Variants in SSBP2 observed in about 807,000 individuals in gnomAD.
SSBP2 encodes single-stranded DNA-binding protein 2.
In SSBP2, 17 loss-of-function variants were observed where a neutral mutation model predicts 61.8. The observed-to-expected ratio is 0.28, with a 90% confidence interval of 0.19 to 0.41. The LOEUF (loss-of-function observed/expected upper bound fraction) is 0.41, where lower values mean the gene tolerates loss of function less well. Ranked by LOEUF, SSBP2 falls within the 10% of genes least tolerant of loss-of-function variation. The pLI is 1.00. For missense variants in SSBP2, 310 were observed against 458.7 expected, an observed-to-expected ratio of 0.68 and a Z score of 2.96; for synonymous variants, 139 against 141.3, an observed-to-expected ratio of 0.98 and a Z score of 0.12.
At chr5:81,628,943 T>TC (rs1747441240) in intron 3 of SSBP2, among the ~76,000 whole-genome samples, 1 of 152,116 alleles carries the variant, frequency 6.6e-6, no homozygotes, top group African/African-American at 2.4e-5. Context: ...CACCAACTTT[T>TC]CCCCCGAGTC....
At chr5:81,559,191 G>C (rs1772834179) in intron 4 of SSBP2, among the ~76,000 whole-genome samples, 1 of 152,068 alleles carries the variant, frequency 6.6e-6, no homozygotes, top group African/African-American at 2.4e-5. Context: ...TTCGAGACCA[G>C]CCTGACCAAC....
chr5:81,655,815 T>C (rs764892786), intron 1 of SSBP2, among the ~76,000 whole-genome samples: 7 of 152,186 alleles, frequency 4.6e-5, no homozygotes, highest in East Asian at 1.9e-4. Context: ...TCAACCAACA[T>C]TGACAAAATT....
intron 4 of SSBP2, among the ~76,000 whole-genome samples, chr5:81,584,748 C>A (rs978120613): frequency 6.6e-6 from 1 of 152,070 alleles, no homozygotes; most frequent in African/African-American, 2.4e-5. Context: ...TAGATAAGAG[C>A]AAACTGAGGA....
intron 1 of SSBP2, among the ~76,000 whole-genome samples, chr5:81,727,066 A>G (rs1755936986): frequency 6.6e-6 from 1 of 152,230 alleles, no homozygotes; most frequent in African/African-American, 2.4e-5. Context: ...TTAATTTAGG[A>G]AGCGGCAAAA....
chr5:81,715,780 T>C (rs973322236), intron 1 of SSBP2, among the ~76,000 whole-genome samples: 1 of 151,994 alleles, frequency 6.6e-6, no homozygotes, highest in Admixed American at 6.6e-5. Flanking sequence ...GATGGCCAGG[T>C]GCAGTGTGGC....
chr5:81,543,487 C>A (rs545814889), intron 4 of SSBP2, among the ~76,000 whole-genome samples: 14 of 152,118 alleles, frequency 9.2e-5, no homozygotes, highest in Non-Finnish European at 1.8e-4. Flanking sequence ...CAGCAATAGA[C>A]ACTGAAGACT....
rs544420069 is a variant in SSBP2, at chr5:81,478,987, G to T, written c.433-4425C>A. Among the ~76,000 whole-genome samples, 48 of 152,274 alleles carry T rather than the reference G, an allele frequency of 3.2e-4. 1 individual carries two copies. The highest frequency in any genetic ancestry group is 3.1e-3 in the South Asian group (15 of 4,826). ...CTTAAAAATATGGCATAATCTTACA[G>T]AAGTCTTAACCAACATCAAATTGGT... On this transcript the variant is annotated intron_variant, in intron 6 of 16. Transcript: ENST00000320672.
At chr5:81,584,459 C>A (rs1413566458) in intron 4 of SSBP2, among the ~76,000 whole-genome samples, 2 of 152,090 alleles carry the variant, frequency 1.3e-5, no homozygotes, top group African/African-American at 2.4e-5. Context: ...ATCTGGCAAC[C>A]TTTTAAACTC....
chr5:81,470,272 A>G (rs546278039), intron 8 of SSBP2, among the ~76,000 whole-genome samples: 1 of 149,554 alleles, frequency 6.7e-6, no homozygotes, highest in East Asian at 1.9e-4. Flanking sequence ...ACATCTTATT[A>G]CAAAACCAAG....
chr5:81,427,874 T>C (rs35657180), intron 16 of SSBP2, among the ~76,000 whole-genome samples: 1 of 152,102 alleles, frequency 6.6e-6, no homozygotes, highest in Non-Finnish European at 1.5e-5. Flanking sequence ...TCTGGGAAAC[T>C]GTATTTTAAA....
intron 1 of SSBP2, among the ~76,000 whole-genome samples, chr5:81,695,367 T>C (rs760240996): frequency 1.2e-4 from 19 of 152,216 alleles, no homozygotes; most frequent in South Asian, 4.1e-4. Flanking sequence ...TTTATTATTA[T>C]ACTTTAAGTT....
intron 4 of SSBP2, among the ~76,000 whole-genome samples, chr5:81,541,357 T>C (rs1771256252): frequency 6.6e-6 from 1 of 152,092 alleles, no homozygotes; most frequent in Non-Finnish European, 1.5e-5. Flanking sequence ...AGGCACTCTA[T>C]AGATTCAATG....
At chr5:81,698,094 G>A (rs1753713107) in intron 1 of SSBP2, among the ~76,000 whole-genome samples, 1 of 151,922 alleles carries the variant, frequency 6.6e-6, no homozygotes, top group South Asian at 2.1e-4. Flanking sequence ...AAAATAATCA[G>A]ACTATGACTA....
chr5:81,671,945 T>A lies in SSBP2; in HGVS notation c.63-21606A>T, dbSNP rs534369837. Among the ~76,000 whole-genome samples, 5 of 152,160 alleles carry A rather than the reference T, an allele frequency of 3.3e-5. 1 individual carries two copies. Among genetic ancestry groups the A allele is most frequent in the Admixed American group, 3.3e-4 (5 of 15,260 alleles). On this transcript the variant is annotated intron_variant, in intron 1 of 16. Transcript: ENST00000320672. The stretch of plus-strand genomic sequence containing the variant: ...AGAATAATAGCATGAAAGAATTATC[T>A]ACACTATATGTGACAGTGGTTGCCA...
intron 2 of SSBP2, among the ~76,000 whole-genome samples, chr5:81,647,501 C>T (rs2153702713): frequency 6.6e-6 from 1 of 151,894 alleles, no homozygotes; most frequent in South Asian, 2.1e-4. Context: ...TTAGCCATTC[C>T]CCTACATTGG....
intron 10 of SSBP2, among the ~76,000 whole-genome samples, chr5:81,453,597 C>T (rs1341165339): frequency 1.3e-5 from 2 of 151,880 alleles, no homozygotes; most frequent in East Asian, 3.9e-4. Flanking sequence ...GCTGGGACTA[C>T]AGGCGCCCGC....
intron 6 of SSBP2, among the ~76,000 whole-genome samples, chr5:81,485,010 A>G (rs1766276918): frequency 6.6e-6 from 1 of 152,178 alleles, no homozygotes; most frequent in Non-Finnish European, 1.5e-5. Context: ...TGTCACTCAT[A>G]TCATTAACAT....
At chr5:81,538,662 G>T (rs1771004010) in intron 4 of SSBP2, among the ~76,000 whole-genome samples, 1 of 152,182 alleles carries the variant, frequency 6.6e-6, no homozygotes, top group Non-Finnish European at 1.5e-5. Context: ...GCAGTTGGGG[G>T]CTTTAAGCTG....
intron 4 of SSBP2, among the ~76,000 whole-genome samples, chr5:81,595,410 G>C (rs1012911802): frequency 1.3e-5 from 2 of 152,110 alleles, no homozygotes; most frequent in Non-Finnish European, 2.9e-5. Flanking sequence ...TCTACCAGAG[G>C]TACAAAGAGG....
Sources: allele counts gnomAD v4.1 joint callset (sites outside exome capture counted in the v4.1 genomes callset), GRCh38; gene constraint gnomAD v4.1.1; transcripts MANE v1.5; gene names NCBI Gene and HGNC (gene_info 2026-07-23, HGNC 2026-07-21).